The following FSTL4 variants were observed in gnomAD, a reference collection of about 807,000 sequenced individuals.
FSTL4 encodes follistatin like 4.
Under a neutral mutation model 78.2 loss-of-function variants are expected in FSTL4, and 28 were observed. That is an observed-to-expected ratio of 0.36 (90% CI 0.27 to 0.49). The LOEUF is 0.49. FSTL4 is among the 20% of genes least tolerant of loss of function. The pLI, the probability that FSTL4 is intolerant of heterozygous loss-of-function variation, is 0.98. For synonymous variants in FSTL4, 422 were observed against 440.5 expected, an observed-to-expected ratio of 0.96 and a Z score of 0.53; for missense variants, 922 against 1,084.9, an observed-to-expected ratio of 0.85 and a Z score of 2.11.
chr5:133,445,239 C>T (rs188467279), intron 3 of FSTL4, among the ~76,000 whole-genome samples: 2 of 152,252 alleles, frequency 1.3e-5, no homozygotes, highest in African/African-American at 4.8e-5. Context: ...GCTAAAAAAG[C>T]CTTACTGGTG....
At chr5:133,673,038 G>A in the FSTL4 span, among the ~76,000 whole-genome samples, 1 of 152,170 alleles carries the variant, frequency 6.6e-6, no homozygotes, top group African/African-American at 2.4e-5. Context: ...GCTGGAGGTG[G>A]GGAGGGAGCT....
rs368837848 is a variant in FSTL4 at position 133,400,923 on chromosome 5, C to G, written c.224G>C (p.Arg75Pro). 4.1e-5 allele frequency: 66 copies of G among 1,613,338 alleles called. No individual in the cohort carries two copies. Among genetic ancestry groups the G allele is most frequent in the Non-Finnish European group, 5.3e-5 (63 of 1,179,998 alleles). The change falls in exon 4 of 16, where the codon CGG (arginine) becomes CCG (proline). Residue 75 changes from arginine to proline, a missense_variant. Arg to Pro is a moderately radical substitution (Grantham distance 103). Transcript: ENST00000265342. ...CGKKFCSRGS[R>P]CVLSRKTGEP... ...CCCTGTCTTCCTGCTGAGCACGCAC[C>G]GGCTCCCTCGGCTGCAGAACTTCTT...
the FSTL4 span, among the ~76,000 whole-genome samples, chr5:133,762,222 C>A: frequency 1.3e-5 from 2 of 152,120 alleles, no homozygotes; most frequent in Non-Finnish European, 2.9e-5. Context: ...CCCAACATAC[C>A]ACAGGCTAGG....
At chr5:133,824,886 C>T in the FSTL4 span, among the ~76,000 whole-genome samples, 2,340 of 152,148 alleles carry the variant, frequency 0.015, 60 homozygotes, top group African/African-American at 0.053. Context: ...ACCAAGACAC[C>T]CAACTCCACA....
the FSTL4 span, among the ~76,000 whole-genome samples, chr5:133,735,301 A>G: frequency 2.0e-5 from 3 of 152,208 alleles, no homozygotes; most frequent in Non-Finnish European, 2.9e-5. Context: ...CGTCTCTAGT[A>G]AAAATACAAA....
the FSTL4 span, among the ~76,000 whole-genome samples, chr5:133,769,695 T>G: frequency 1.3e-5 from 2 of 152,188 alleles, no homozygotes; most frequent in African/African-American, 4.8e-5. Context: ...TTACATAAAC[T>G]AATTCTTTTT....
chr5:133,539,630 G>T (rs773871581), intron 3 of FSTL4, among the ~76,000 whole-genome samples: 1 of 152,032 alleles, frequency 6.6e-6, no homozygotes, highest in Admixed American at 6.5e-5. Context: ...TTAGGGCTCC[G>T]GTCGACTCCA....
chr5:133,478,904 C>A (rs2112855978), intron 3 of FSTL4, among the ~76,000 whole-genome samples: 1 of 152,230 alleles, frequency 6.6e-6, no homozygotes, highest in East Asian at 1.9e-4. Flanking sequence ...GCCGCCCCAT[C>A]CACAGCAGTG....
chr5:133,394,873 A>G (rs1458469270), intron 4 of FSTL4, among the ~76,000 whole-genome samples: 2 of 152,156 alleles, frequency 1.3e-5, no homozygotes, highest in Non-Finnish European at 2.9e-5. Flanking sequence ...AGATACACCA[A>G]TCAGCACTCT....
chr5:133,689,061 C>T, the FSTL4 span, among the ~76,000 whole-genome samples: 2 of 152,132 alleles, frequency 1.3e-5, no homozygotes, highest in African/African-American at 2.4e-5. Flanking sequence ...GGCCCTGCAG[C>T]CAGCCCCTTG....
At chr5:133,722,574 C>A in the FSTL4 span, among the ~76,000 whole-genome samples, 1 of 151,988 alleles carries the variant, frequency 6.6e-6, no homozygotes, top group African/African-American at 2.4e-5. Flanking sequence ...ATGTGGAATT[C>A]TCTTTCAGAA....
At chr5:133,476,971 C>T (rs1278387829) in intron 3 of FSTL4, among the ~76,000 whole-genome samples, 1 of 152,186 alleles carries the variant, frequency 6.6e-6, no homozygotes, top group Admixed American at 6.5e-5. Context: ...GCCTCAACAT[C>T]TGGGGGTGGG....
the FSTL4 span, among the ~76,000 whole-genome samples, chr5:133,806,679 G>C: frequency 5.9e-5 from 9 of 152,208 alleles, no homozygotes; most frequent in Non-Finnish European, 1.3e-4. Context: ...AGAGCTGAGC[G>C]GATGGAGGAT....
the FSTL4 span, among the ~76,000 whole-genome samples, chr5:133,625,734 T>TATATATATTCC: frequency 3.7e-5 from 3 of 80,426 alleles, no homozygotes; most frequent in Non-Finnish European, 6.8e-5. Context: ...CATATATATA[T>TATATATATTCC]ATATATATAT....
chr5:133,688,271 G>C, the FSTL4 span, among the ~76,000 whole-genome samples: 2 of 152,180 alleles, frequency 1.3e-5, no homozygotes, highest in Non-Finnish European at 2.9e-5. Context: ...AAATTAGCCA[G>C]GCGTGGTGAA....
chr5:133,796,694 T>A, the FSTL4 span, among the ~76,000 whole-genome samples: 5 of 151,900 alleles, frequency 3.3e-5, no homozygotes, highest in African/African-American at 1.2e-4. Context: ...GCTTGTCTCA[T>A]CTCCTCACCT....
At chr5:133,649,191 T>G in the FSTL4 span, among the ~76,000 whole-genome samples, 3 of 152,224 alleles carry the variant, frequency 2.0e-5, no homozygotes, top group Admixed American at 2.0e-4. Context: ...TTTTCATGGC[T>G]TGGTAGCTCA....
intron 3 of FSTL4, among the ~76,000 whole-genome samples, chr5:133,416,671 G>A (rs1464466257): frequency 6.6e-6 from 1 of 152,228 alleles, no homozygotes; most frequent in Non-Finnish European, 1.5e-5. Flanking sequence ...TTGATGGGAT[G>A]TGGGGAGAAG....
chr5:133,431,561 C>T (rs1454261625), intron 3 of FSTL4, among the ~76,000 whole-genome samples: 1 of 152,134 alleles, frequency 6.6e-6, no homozygotes, highest in Admixed American at 6.6e-5. Context: ...TGTCAAGATG[C>T]TAGATGTGTG....
Sources: gnomAD v4.1 joint callset for allele counts (sites outside exome capture counted in the v4.1 genomes callset) on GRCh38, gnomAD v4.1.1 for gene constraint, MANE v1.5 for transcripts, NCBI Gene and HGNC (gene_info 2026-07-23, HGNC 2026-07-21) for gene names.